The following CALN1 variants were observed in gnomAD, a reference collection of about 807,000 sequenced individuals.
The protein encoded by CALN1 is calneuron 1.
A neutral mutation model predicts 30.6 loss-of-function variants in CALN1; 17 were observed. That is an observed-to-expected ratio of 0.56 (90% CI 0.38 to 0.83). The LOEUF is 0.83. Among genes scored for constraint, CALN1 ranks in the 40% least tolerant of loss-of-function variants. The pLI, the probability that CALN1 is intolerant of heterozygous loss-of-function variation, is 0.00. For missense variants in CALN1, 291 were observed against 354.9 expected (o/e 0.82, Z 1.45); for synonymous variants, 156 against 131.4 (o/e 1.19, Z -1.28).
chr7:72,413,797 A>G (rs997431261), upstream of CALN1, among the ~76,000 whole-genome samples: 3 of 151,806 alleles, frequency 2.0e-5, no homozygotes, highest in African/African-American at 7.3e-5. Context: ...ACCACTCGCA[A>G]ACATTCCCAC....
At chr7:72,299,710 T>TAA (rs1554358698) in intron 2 of CALN1, among the ~76,000 whole-genome samples, 35 of 137,638 alleles carry the variant, frequency 2.5e-4, no homozygotes, top group African/African-American at 8.6e-4. Context: ...TTTTTTTTTT[T>TAA]AAAAAGAGAG....
At chr7:72,235,495 A>T (rs2129550899) in intron 3 of CALN1, among the ~76,000 whole-genome samples, 1 of 152,272 alleles carries the variant, frequency 6.6e-6, no homozygotes, top group East Asian at 1.9e-4. Context: ...ACGCTAGCAC[A>T]GACAGGCTTG....
chr7:72,016,015 G>A (rs1800358915), intron 5 of CALN1, among the ~76,000 whole-genome samples: 1 of 152,102 alleles, frequency 6.6e-6, no homozygotes, highest in Non-Finnish European at 1.5e-5. Context: ...TTGGGAGGCT[G>A]AGGCCGGCAC....
chr7:72,179,899 A>C (rs1028631784), intron 3 of CALN1, among the ~76,000 whole-genome samples: 3 of 152,222 alleles, frequency 2.0e-5, no homozygotes, highest in African/African-American at 7.2e-5. Flanking sequence ...CTTATTAACA[A>C]AAGACATAAT....
At chr7:71,993,617 C>CA (rs1338485056) in intron 5 of CALN1, among the ~76,000 whole-genome samples, 5 of 152,018 alleles carry the variant, frequency 3.3e-5, no homozygotes, top group Non-Finnish European at 7.4e-5. Context: ...TCAACACACC[C>CA]AGCTAATTTT....
intron 5 of CALN1, among the ~76,000 whole-genome samples, chr7:71,882,344 A>G (rs548458110): frequency 6.6e-6 from 1 of 152,224 alleles, no homozygotes; most frequent in East Asian, 1.9e-4. Flanking sequence ...CACTGGGGCC[A>G]CTTTGGTAAT....
In CALN1 at chr7:72,418,619, C is replaced by A. The variant is rs1020057757; in HGVS notation, c.-225-6344G>T. Among the ~76,000 whole-genome samples, 4 of 151,832 alleles carry A rather than the reference C, an allele frequency of 2.6e-5. No homozygotes were observed. In the East Asian group the frequency reaches 7.7e-4, roughly 29 times the overall value. On this transcript the variant is annotated intron_variant, in intron 1 of 6. Coordinates refer to the CALN1 transcript ENST00000395276. ...GGACAATCGCCCTCTGTAGCTTCCC[C>A]GCCCCGGCTCACATAGGGCTCCTGG...
intron 5 of CALN1, among the ~76,000 whole-genome samples, chr7:71,861,155 C>A (rs754694637): frequency 1.3e-5 from 2 of 148,822 alleles, no homozygotes; most frequent in Non-Finnish European, 3.0e-5. Context: ...ATGCATAAAG[C>A]AAACTGGTGT....
At chr7:72,166,595 A>T (rs1173895127) in intron 3 of CALN1, among the ~76,000 whole-genome samples, 1 of 152,188 alleles carries the variant, frequency 6.6e-6, no homozygotes, top group East Asian at 1.9e-4. Context: ...TAAAACTAAC[A>T]ACTACCTCCC....
chr7:72,436,636 T>C (rs768518657), intron 1 of CALN1, among the ~76,000 whole-genome samples: 8 of 152,048 alleles, frequency 5.3e-5, no homozygotes, highest in Non-Finnish European at 8.8e-5. Context: ...TGAGATCAGG[T>C]CAGAGAAGAT....
At chr7:72,375,634 G>A (rs1350980047) in intron 2 of CALN1, among the ~76,000 whole-genome samples, 3 of 151,416 alleles carry the variant, frequency 2.0e-5, no homozygotes, top group East Asian at 1.9e-4. Flanking sequence ...ACAAAATTAG[G>A]CACATATAAA....
chr7:72,353,748 T>C (rs1052553675), intron 2 of CALN1, among the ~76,000 whole-genome samples: 1 of 152,096 alleles, frequency 6.6e-6, no homozygotes, highest in Non-Finnish European at 1.5e-5. Context: ...GATTGGTAAG[T>C]AAGAAGTAAA....
intron 2 of CALN1, among the ~76,000 whole-genome samples, chr7:72,368,269 C>G (rs1804000957): frequency 6.7e-6 from 1 of 149,736 alleles, no homozygotes; most frequent in African/African-American, 2.5e-5. Context: ...TAACTGTTAA[C>G]TGAGTGCTGG....
intron 2 of CALN1, among the ~76,000 whole-genome samples, chr7:72,380,874 C>T (rs1038022002): frequency 4.6e-5 from 7 of 152,072 alleles, no homozygotes; most frequent in African/African-American, 1.7e-4. Flanking sequence ...TTTTAGAAAC[C>T]ATGTCGATGG....
At chr7:72,469,919 G>A in the CALN1 span, among the ~76,000 whole-genome samples, 1 of 152,260 alleles carries the variant, frequency 6.6e-6, no homozygotes, top group South Asian at 2.1e-4. Context: ...CCTTGAAATT[G>A]TGGCTTCACG....
chr7:72,398,030 T>C (rs1190721047), intron 2 of CALN1, among the ~76,000 whole-genome samples: 1 of 151,972 alleles, frequency 6.6e-6, no homozygotes, highest in Non-Finnish European at 1.5e-5. Context: ...CCAAGCATTG[T>C]GGGGAAGTAG....
intron 2 of CALN1, among the ~76,000 whole-genome samples, chr7:72,282,734 G>A (rs539770868): frequency 4.6e-5 from 7 of 152,312 alleles, no homozygotes; most frequent in African/African-American, 1.7e-4. Flanking sequence ...TGTTACAGCA[G>A]TAGAAACTAA....
At chr7:72,355,539 C>G (rs1054585055) in intron 2 of CALN1, among the ~76,000 whole-genome samples, 3 of 151,936 alleles carry the variant, frequency 2.0e-5, no homozygotes, top group African/African-American at 4.8e-5. Flanking sequence ...CAAAATGGAA[C>G]AAAAACAAAA....
At chr7:71,892,785 T>C (rs950746915) in intron 5 of CALN1, among the ~76,000 whole-genome samples, 4 of 152,220 alleles carry the variant, frequency 2.6e-5, no homozygotes, top group African/African-American at 7.2e-5. Context: ...TACTTCTGTC[T>C]CCTTTCACAT....
Sources: gnomAD v4.1 joint callset for allele counts (sites outside exome capture counted in the v4.1 genomes callset) on GRCh38, gnomAD v4.1.1 for gene constraint, MANE v1.5 for transcripts, NCBI Gene and HGNC (gene_info 2026-07-23, HGNC 2026-07-21) for gene names.